Variants in FAM107B observed in about 807,000 individuals in gnomAD.
The protein encoded by FAM107B is protein FAM107B.
Under a neutral mutation model 31.5 loss-of-function variants are expected in FAM107B, and 21 were observed. That is an observed-to-expected ratio of 0.67 (90% CI 0.47 to 0.96). The LOEUF (loss-of-function observed/expected upper bound fraction) is 0.96. Ranked by LOEUF, FAM107B falls within the 40% of genes least tolerant of loss-of-function variation. The pLI, the probability that FAM107B is intolerant of heterozygous loss-of-function variation, is 0.00. For synonymous variants in FAM107B, 157 were observed against 141.5 expected, an observed-to-expected ratio of 1.11 and a Z score of -0.78; for missense variants, 452 against 377.1, an observed-to-expected ratio of 1.20 and a Z score of -1.64.
At chr10:14,723,709 A>G in intron 1 of FAM107B, 1 of 756,766 alleles carries the variant, frequency 1.3e-6, no homozygotes, top group South Asian at 1.3e-5. Flanking sequence ...TGGCTCCCAG[A>G]AGGCTGCCTG....
intron 1 of FAM107B, among the ~76,000 whole-genome samples, chr10:14,688,162 G>A (rs1023170294): frequency 7.2e-5 from 11 of 152,174 alleles, no homozygotes; most frequent in Non-Finnish European, 1.3e-4. Flanking sequence ...TCCTGCCCTT[G>A]AACATCAGAT....
At chr10:14,596,550 GATA>G (rs1396490026) in intron 2 of FAM107B, among the ~76,000 whole-genome samples, 4 of 152,084 alleles carry the variant, frequency 2.6e-5, no homozygotes, top group Non-Finnish European at 5.9e-5. Context: ...GTTCATTGAT[GATA>G]ATAATAATAT....
At chr10:14,659,840 G>A (rs376236845) in intron 2 of FAM107B, among the ~76,000 whole-genome samples, 23 of 152,316 alleles carry the variant, frequency 1.5e-4, no homozygotes, top group African/African-American at 4.1e-4. Flanking sequence ...CCTTATGTGC[G>A]CAGCAACAAG....
At chr10:14,699,281 GAGA>G (rs1282287759) in intron 1 of FAM107B, among the ~76,000 whole-genome samples, 2 of 152,158 alleles carry the variant, frequency 1.3e-5, no homozygotes, top group African/African-American at 4.8e-5. Context: ...TATAGATGTG[GAGA>G]AGGAGATTTC....
intron 1 of FAM107B, among the ~76,000 whole-genome samples, chr10:14,737,102 G>A (rs1040579767): frequency 3.3e-5 from 5 of 152,112 alleles, no homozygotes; most frequent in Non-Finnish European, 5.9e-5. Flanking sequence ...AGGATTTCTC[G>A]GAGCACCACC....
chr10:14,731,015 T>C (rs1252596053), intron 1 of FAM107B, among the ~76,000 whole-genome samples: 2 of 152,166 alleles, frequency 1.3e-5, no homozygotes, highest in East Asian at 3.9e-4. Context: ...GCTGTCACCA[T>C]GACTGGAATC....
intron 1 of FAM107B, among the ~76,000 whole-genome samples, chr10:14,753,070 C>T (rs1311633164): frequency 6.6e-6 from 1 of 152,186 alleles, no homozygotes; most frequent in Non-Finnish European, 1.5e-5. Context: ...AAAGCTGACC[C>T]TCTAAAGTTT....
At chr10:14,750,808 G>A (rs1052374357) in intron 1 of FAM107B, among the ~76,000 whole-genome samples, 1 of 152,100 alleles carries the variant, frequency 6.6e-6, no homozygotes, top group African/African-American at 2.4e-5. Context: ...AATTACCTGG[G>A]TGGTGCATGC....
At chr10:14,540,864 GGAAAGGACACT>G (rs1378879829) in intron 2 of FAM107B, among the ~76,000 whole-genome samples, 1 of 152,148 alleles carries the variant, frequency 6.6e-6, no homozygotes, top group Admixed American at 6.5e-5. Context: ...CCCAGGTGCT[GGAAAGGACACT>G]GAAAGGACAG....
chr10:14,736,594 C>G (rs1588742902), intron 1 of FAM107B, among the ~76,000 whole-genome samples: 1 of 152,178 alleles, frequency 6.6e-6, no homozygotes, highest in African/African-American at 2.4e-5. Flanking sequence ...ATCACTCAAT[C>G]TCCTTCATTG....
At chr10:14,663,494 C>T (rs980357307) in intron 2 of FAM107B, 8 of 152,200 alleles carry the variant, frequency 5.3e-5, no homozygotes, top group Admixed American at 2.6e-4. Flanking sequence ...TGGTCGTAGA[C>T]GGTAAACTTC....
At chr10:14,767,081 G>GAGAGAGAC (rs1833193126) in intron 1 of FAM107B, among the ~76,000 whole-genome samples, 1 of 102,634 alleles carries the variant, frequency 9.7e-6, no homozygotes, top group Middle Eastern at 4.5e-3. Flanking sequence ...GAGAGAGAGA[G>GAGAGAGAC]AGAGAGAGAG....
chr10:14,704,876 T>A (rs1215203608), intron 1 of FAM107B, among the ~76,000 whole-genome samples: 2 of 151,634 alleles, frequency 1.3e-5, no homozygotes, highest in Non-Finnish European at 2.9e-5. Flanking sequence ...ATACAAAAAT[T>A]AACTAAGCAT....
intron 2 of FAM107B, among the ~76,000 whole-genome samples, chr10:14,648,304 C>A (rs1853811533): frequency 6.6e-6 from 1 of 152,138 alleles, no homozygotes; most frequent in South Asian, 2.1e-4. Context: ...GGAGCAGGTG[C>A]AATCACTCTG....
chr10:14,530,324 C>T lies in FAM107B; in HGVS notation c.653+8G>A. 1 of 1,598,042 alleles carries T rather than the reference C, an allele frequency of 6.3e-7. No homozygotes were observed. The highest frequency in any genetic ancestry group is 8.5e-7 in the Non-Finnish European group (1 of 1,175,186). On this transcript the variant is annotated splice_region_variant and intron_variant, in intron 3 of 4. Transcript: ENST00000181796. ...TAAAAAAAAAATATGCTCAAGAAAC[C>T]ATTTTACCTTTTTTGATTCATAAGA...
chr10:14,758,249 G>A (rs940182136), intron 1 of FAM107B, among the ~76,000 whole-genome samples: 17 of 152,116 alleles, frequency 1.1e-4, no homozygotes, highest in Non-Finnish European at 2.9e-5. Flanking sequence ...CCTGGTAGTG[G>A]GAACTGTTTT....
intron 2 of FAM107B, among the ~76,000 whole-genome samples, chr10:14,643,411 T>A (rs1247455211): frequency 1.0e-5 from 1 of 96,292 alleles, no homozygotes; most frequent in Admixed American, 8.8e-5. Context: ...GTCAGTCTAA[T>A]TTTTTTTTTT....
intron 1 of FAM107B, among the ~76,000 whole-genome samples, chr10:14,687,945 G>T (rs544251801): frequency 1.5e-3 from 230 of 152,334 alleles, no homozygotes; most frequent in Non-Finnish European, 1.7e-3. Context: ...AGGATGCAAA[G>T]TATTGATCTT....
At chr10:14,654,700 C>G (rs568631053) in intron 2 of FAM107B, among the ~76,000 whole-genome samples, 2 of 152,172 alleles carry the variant, frequency 1.3e-5, no homozygotes, top group Non-Finnish European at 2.9e-5. Flanking sequence ...TCCATTCTTA[C>G]GCTCAAATAA....
Sources: allele counts gnomAD v4.1 joint callset (sites outside exome capture counted in the v4.1 genomes callset), GRCh38; gene constraint gnomAD v4.1.1; transcripts MANE v1.5; gene names NCBI Gene and HGNC (gene_info 2026-07-23, HGNC 2026-07-21).